NLRP8: variants seen among roughly 807,000 people sequenced by gnomAD.
The protein encoded by NLRP8 is NACHT, LRR and PYD domains-containing protein 8.
A neutral mutation model predicts 88.7 loss-of-function variants in NLRP8; 86 were observed. The observed-to-expected ratio is 0.97, with a 90% CI of 0.81 to 1.16. The LOEUF (loss-of-function observed/expected upper bound fraction) is 1.16. Ranked by LOEUF, NLRP8 falls within the 50% of genes most tolerant of loss-of-function variation. The pLI, the probability that NLRP8 is intolerant of heterozygous loss-of-function variation, is 0.00. For synonymous variants in NLRP8, 504 were observed against 494.6 expected, an observed-to-expected ratio of 1.02 and a Z score of -0.25; for missense variants, 1,342 against 1,286.5, an observed-to-expected ratio of 1.04 and a Z score of -0.66.
intron 3 of NLRP8, among the ~76,000 whole-genome samples, chr19:55,957,814 A>C (rs11084418): frequency 0.049 from 7,301 of 150,338 alleles, 586 homozygotes; most frequent in African/African-American, 0.17. Context: ...AACTGTTACC[A>C]CTCATGTAAT....
At chr19:55,986,779 G>A (rs1030060084) in intron 9 of NLRP8, among the ~76,000 whole-genome samples, 1 of 151,818 alleles carries the variant, frequency 6.6e-6, no homozygotes, top group Non-Finnish European at 1.5e-5. Context: ...ATTGCCAGCT[G>A]GCCCAGAGCT....
chr19:55,957,717 AT>A (rs1979440923), intron 3 of NLRP8, among the ~76,000 whole-genome samples: 3 of 86,292 alleles, frequency 3.5e-5, no homozygotes, highest in East Asian at 4.0e-4. Flanking sequence ...ATATATATAT[AT>A]ATATATAAAA....
intron 5 of NLRP8, among the ~76,000 whole-genome samples, chr19:55,967,509 G>A (rs147907917): frequency 1.1e-3 from 165 of 152,308 alleles, no homozygotes; most frequent in Non-Finnish European, 1.8e-3. Context: ...CATCCATGTC[G>A]TTGCAAATGA....
chr19:55,969,914 T>C (rs148534069), intron 5 of NLRP8, among the ~76,000 whole-genome samples: 1 of 152,126 alleles, frequency 6.6e-6, no homozygotes, highest in African/African-American at 2.4e-5. Flanking sequence ...GAGGCCGAAA[T>C]CCAGCCCGAG....
At chr19:55,969,606 C>T (rs1384187391) in intron 5 of NLRP8, among the ~76,000 whole-genome samples, 2 of 152,142 alleles carry the variant, frequency 1.3e-5, no homozygotes, top group Non-Finnish European at 2.9e-5. Context: ...ACTTCTTTTC[C>T]TCTGTGTAGA....
In NLRP8 at chr19:55,962,936, G is replaced by A. The variant is rs58419697; in HGVS notation, c.2213+699G>A. ...GGTGGTTACTCTCTGGAGGGACACC[G>A]CCTTACAGAAGCCACGTGCGACCTG... is the stretch of plus-strand genomic sequence containing the variant. On this transcript the variant is annotated intron_variant, in intron 4 of 9. Coordinates refer to ENST00000291971, the MANE Select transcript of NLRP8 (RefSeq NM_176811.2). Among the ~76,000 whole-genome samples, 1,198 of 152,282 alleles carry A rather than the reference G, an allele frequency of 7.9e-3. 23 individuals carry two copies. Among genetic ancestry groups the A allele is most frequent in the African/African-American group, 0.028 (1,149 of 41,548 alleles).
At chr19:55,985,709 T>C (rs1174010945) in intron 9 of NLRP8, among the ~76,000 whole-genome samples, 1 of 152,134 alleles carries the variant, frequency 6.6e-6, no homozygotes, top group African/African-American at 2.4e-5. Flanking sequence ...CATAAATTCT[T>C]CAAATGGAAT....
intron 8 of NLRP8, among the ~76,000 whole-genome samples, chr19:55,978,922 T>C (rs1236444988): frequency 6.6e-6 from 1 of 151,904 alleles, no homozygotes; most frequent in Non-Finnish European, 1.5e-5. Context: ...AGACTCAGTC[T>C]CCAAAAAAAA....
intron 8 of NLRP8, among the ~76,000 whole-genome samples, chr19:55,978,809 C>T (rs1980455111): frequency 6.6e-6 from 1 of 152,068 alleles, no homozygotes; most frequent in African/African-American, 2.4e-5. Context: ...ACAGTCCCAG[C>T]TGCTAGGGAG....
Position 55,955,432 on chromosome 19 carries a change from C to G in NLRP8, c.1374C>G (p.Ala458=), listed in dbSNP as rs144544646. 1 of 1,614,134 alleles carries G rather than the reference C, an allele frequency of 6.2e-7. No individual in the cohort carries two copies. The highest frequency in any genetic ancestry group is 8.5e-7 in the Non-Finnish European group (1 of 1,180,038). Residue 458 remains alanine, a synonymous_variant, in exon 3 of 10, where the codon GCC becomes GCG. Transcript: ENST00000291971. ...AACTGGAAGGTCTGTGTCACTTGGCCGCAGACAGCATGTGGCACAGGAAAT... is the reference window on the plus strand; with the variant it reads ...AACTGGAAGGTCTGTGTCACTTGGCGGCAGACAGCATGTGGCACAGGAAAT...
intron 6 of NLRP8, among the ~76,000 whole-genome samples, chr19:55,973,229 T>C (rs923592381): frequency 5.9e-5 from 9 of 152,222 alleles, no homozygotes; most frequent in Non-Finnish European, 8.8e-5. Context: ...CCATTTGCTT[T>C]TTGGCCATTT....
At chr19:55,978,918 A>G (rs1348651377) in intron 8 of NLRP8, among the ~76,000 whole-genome samples, 3 of 151,898 alleles carry the variant, frequency 2.0e-5, no homozygotes, top group African/African-American at 7.3e-5. Flanking sequence ...AGTGAGACTC[A>G]GTCTCCAAAA....
At chr19:55,966,027 A>G (rs1979821428) in intron 4 of NLRP8, among the ~76,000 whole-genome samples, 186 bp from the exon 5 acceptor site, 1 of 152,212 alleles carries the variant, frequency 6.6e-6, no homozygotes, top group South Asian at 2.1e-4. Flanking sequence ...TTCCCAGGAT[A>G]GGACCTGAAT....
chr19:55,961,784 T>C (rs1036211756), intron 3 of NLRP8, among the ~76,000 whole-genome samples: 1 of 152,158 alleles, frequency 6.6e-6, no homozygotes, highest in Non-Finnish European at 1.5e-5. Flanking sequence ...GGCGGCAGAG[T>C]GATACCTTGT....
At position 55,955,291 on chromosome 19, in the gene NLRP8, G is replaced by A. The variant is rs781612277; in HGVS notation, c.1233G>A (p.Glu411=). The A allele has an allele frequency of 2.5e-6, 4 of 1,614,150 alleles. No homozygotes were observed. The highest frequency in any genetic ancestry group is 2.5e-6 in the Non-Finnish European group (3 of 1,180,036). Residue 411 remains glutamate (E), a synonymous_variant, in exon 3 of 10, where the codon GAG becomes GAA. Coordinates refer to ENST00000291971, the MANE Select transcript of NLRP8 (RefSeq NM_176811.2). ...GCTCTGGTCTGAAACAGCAAATGGA[G>A]AGAGGAAACAATCTCACACAGTCAT...
intron 8 of NLRP8, among the ~76,000 whole-genome samples, chr19:55,977,260 G>A (rs1354567516): frequency 2.8e-5 from 4 of 144,802 alleles, no homozygotes; most frequent in African/African-American, 7.5e-5. Context: ...ATCTGCATAT[G>A]TGTACACATA....
At chr19:55,956,347 G>A (rs539045181) in intron 3 of NLRP8, among the ~76,000 whole-genome samples, 14 of 152,066 alleles carry the variant, frequency 9.2e-5, no homozygotes, top group African/African-American at 3.4e-4. Flanking sequence ...GGGTTCAAGC[G>A]ATTCTCCTGC....
intron 5 of NLRP8, among the ~76,000 whole-genome samples, chr19:55,968,406 T>C (rs1225125562): frequency 6.6e-6 from 1 of 151,638 alleles, no homozygotes; most frequent in African/African-American, 2.4e-5. Flanking sequence ...GCCATTGCAC[T>C]CCAGCCTGGG....
At chr19:55,961,566 C>T (rs981493142) in intron 3 of NLRP8, among the ~76,000 whole-genome samples, 1 of 152,130 alleles carries the variant, frequency 6.6e-6, no homozygotes, top group African/African-American at 2.4e-5. Context: ...CTTTGGGAGG[C>T]CAAGGCAGGA....
Sources: gnomAD v4.1 joint callset for allele counts (sites outside exome capture counted in the v4.1 genomes callset) on GRCh38, gnomAD v4.1.1 for gene constraint, MANE v1.5 for transcripts, NCBI Gene and HGNC (gene_info 2026-07-23, HGNC 2026-07-21) for gene names.